SDK1: variants seen among roughly 807,000 people sequenced by gnomAD.
SDK1 encodes protein sidekick-1.
In SDK1, 157 loss-of-function variants were observed where a neutral mutation model predicts 245.5. That is an observed-to-expected ratio of 0.64 (90% CI 0.56 to 0.73). The LOEUF (loss-of-function observed/expected upper bound fraction) is 0.73. Ranked by LOEUF, SDK1 falls within the 30% of genes least tolerant of loss-of-function variation. The pLI is 0.00. For synonymous variants in SDK1, 1,647 were observed against 1,278.5 expected (o/e 1.29, Z -6.15); for missense variants, 3,583 against 3,002.3 (o/e 1.19, Z -4.52).
intron 14 of SDK1, among the ~76,000 whole-genome samples, chr7:4,008,306 T>C (rs1192237786): frequency 6.6e-6 from 1 of 152,264 alleles, no homozygotes; most frequent in East Asian, 1.9e-4. Context: ...CAGTTGGGTT[T>C]GTTAGGAATA....
chr7:3,671,630 T>A (rs1189193682), intron 4 of SDK1, among the ~76,000 whole-genome samples: 2 of 152,202 alleles, frequency 1.3e-5, no homozygotes, highest in Non-Finnish European at 2.9e-5. Context: ...GTGAAGAGTG[T>A]TTAAAATAAA....
chr7:4,121,314 C>T (rs1784051300), intron 25 of SDK1, among the ~76,000 whole-genome samples: 1 of 152,162 alleles, frequency 6.6e-6, no homozygotes, highest in Middle Eastern at 3.2e-3. Context: ...CAAATCTCAT[C>T]TCAAATTGTA....
Position 3,958,989 on chromosome 7 carries a change from T to A in SDK1, c.1209T>A (p.Thr403=). The change falls in exon 8 of 45, where the codon ACT becomes ACA. Residue 403 remains threonine (T), a synonymous_variant. Transcript: ENST00000404826. ...GGATTTCAGCTGAAGTAGAAGAAAC[T>A]GTGGACATCGGATGTCAAGCCATGG... is the stretch of plus-strand genomic sequence containing the variant. ...ESRISAEVEE[T]VDIGCQAMGV... is the part of the protein sequence containing the mutation. 6.2e-7 allele frequency: 1 copy of A among 1,613,976 alleles called. No homozygotes were observed. The highest frequency in any genetic ancestry group is 1.1e-5 in the South Asian group (1 of 91,072).
At chr7:3,513,458 ATGT>A (rs767900068) in intron 1 of SDK1, among the ~76,000 whole-genome samples, 79 of 152,318 alleles carry the variant, frequency 5.2e-4, no homozygotes, top group Non-Finnish European at 8.8e-4. Flanking sequence ...TTTTTGGATG[ATGT>A]TTTTAAATTT....
chr7:4,202,532 A>G (rs1165537420), intron 35 of SDK1, among the ~76,000 whole-genome samples: 2 of 152,158 alleles, frequency 1.3e-5, no homozygotes, highest in Non-Finnish European at 2.9e-5. Flanking sequence ...GAAAATGTGC[A>G]GTCCTCCCTC....
intron 1 of SDK1, among the ~76,000 whole-genome samples, chr7:3,381,103 C>G (rs1781476303): frequency 6.6e-6 from 1 of 152,156 alleles, no homozygotes; most frequent in African/African-American, 2.4e-5. Context: ...GTGTGATTAA[C>G]ATTACTCAGG....
intron 1 of SDK1, among the ~76,000 whole-genome samples, chr7:3,493,288 A>G (rs915701801): frequency 3.3e-5 from 5 of 152,062 alleles, no homozygotes; most frequent in Admixed American, 6.6e-5. Flanking sequence ...CTGTCCATCC[A>G]TCTCCCTACC....
At chr7:3,994,085 C>T (rs192711809) in intron 14 of SDK1, among the ~76,000 whole-genome samples, 1 of 152,284 alleles carries the variant, frequency 6.6e-6, no homozygotes, top group East Asian at 1.9e-4. Context: ...TGTTGGCATT[C>T]CCTGCTTTGT....
intron 1 of SDK1, among the ~76,000 whole-genome samples, chr7:3,412,146 G>C (rs531043208): frequency 6.6e-6 from 1 of 152,138 alleles, no homozygotes; most frequent in African/African-American, 2.4e-5. Context: ...AGATTTAGGG[G>C]TGTAAGATGT....
At chr7:3,760,895 G>T (rs1250518345) in intron 4 of SDK1, among the ~76,000 whole-genome samples, 1 of 152,208 alleles carries the variant, frequency 6.6e-6, no homozygotes, top group African/African-American at 2.4e-5. Flanking sequence ...TTAACGCTGA[G>T]TAGTGAAGTA....
At chr7:3,808,550 GAAGA>G (rs1779307251) in intron 4 of SDK1, among the ~76,000 whole-genome samples, 2 of 152,218 alleles carry the variant, frequency 1.3e-5, no homozygotes, top group African/African-American at 4.8e-5. Context: ...CCGTGAGGCA[GAAGA>G]GACATGTGTG....
At chr7:3,636,178 C>A (rs57706293) in intron 2 of SDK1, among the ~76,000 whole-genome samples, 3,603 of 152,224 alleles carry the variant, frequency 0.024, 149 homozygotes, top group African/African-American at 0.082. Context: ...TCCATCACCT[C>A]CAGAAGTTTC....
chr7:3,980,760 G>A (rs371364410), intron 13 of SDK1, among the ~76,000 whole-genome samples: 2 of 152,240 alleles, frequency 1.3e-5, no homozygotes, highest in South Asian at 2.1e-4. Flanking sequence ...TGGCCAAGAT[G>A]GCGAAACCCT....
intron 4 of SDK1, among the ~76,000 whole-genome samples, chr7:3,661,016 T>G (rs1390126276): frequency 1.3e-5 from 2 of 152,192 alleles, no homozygotes; most frequent in African/African-American, 4.8e-5. Flanking sequence ...ATTTAGAAAT[T>G]ACTTATGTGA....
intron 1 of SDK1, among the ~76,000 whole-genome samples, chr7:3,358,035 G>C (rs906488947): frequency 8.7e-5 from 13 of 149,616 alleles, no homozygotes; most frequent in Admixed American, 7.9e-4. Context: ...TTTTTTTTTG[G>C]GGGATGGACA....
intron 4 of SDK1, among the ~76,000 whole-genome samples, chr7:3,795,814 T>C (rs1778948043): frequency 6.6e-6 from 1 of 152,214 alleles, no homozygotes; most frequent in African/African-American, 2.4e-5. Context: ...ATTTGTATTC[T>C]ACTTCGAGTC....
At chr7:4,255,445 G>A (rs956572756) in intron 44 of SDK1, among the ~76,000 whole-genome samples, 8 of 152,214 alleles carry the variant, frequency 5.3e-5, no homozygotes, top group Admixed American at 2.6e-4. Flanking sequence ...TGGGTTGAGA[G>A]GGCAGTCCCT....
chr7:4,053,635 C>A (rs904410902), intron 19 of SDK1, among the ~76,000 whole-genome samples: 3 of 152,134 alleles, frequency 2.0e-5, no homozygotes, highest in Admixed American at 6.5e-5. Context: ...TCTCCTTGAC[C>A]CTTGGCAGCC....
At chr7:3,516,039 C>G (rs987526168) in intron 1 of SDK1, among the ~76,000 whole-genome samples, 2 of 151,200 alleles carry the variant, frequency 1.3e-5, no homozygotes, top group South Asian at 4.2e-4. Flanking sequence ...AGTGTTAAAT[C>G]TTCAATGCAT....
Sources: allele counts gnomAD v4.1 joint callset (sites outside exome capture counted in the v4.1 genomes callset), GRCh38; gene constraint gnomAD v4.1.1; transcripts MANE v1.5; gene names NCBI Gene and HGNC (gene_info 2026-07-23, HGNC 2026-07-21).